Variants in SRGAP3 observed in about 807,000 individuals in gnomAD.
The protein encoded by SRGAP3 is SLIT-ROBO Rho GTPase-activating protein 3.
SRGAP3 carries 39 observed loss-of-function variants against 121.1 expected under a neutral mutation model. That is an observed-to-expected ratio of 0.32 (90% CI 0.25 to 0.42). SRGAP3 has a LOEUF of 0.42. Ranked by LOEUF, SRGAP3 falls within the 10% of genes least tolerant of loss-of-function variation. The pLI, the probability that SRGAP3 is intolerant of heterozygous loss-of-function variation, is 1.00. For missense variants in SRGAP3, 1,213 were observed against 1,470.6 expected (o/e 0.82, Z 2.86); for synonymous variants, 601 against 570.0 (o/e 1.05, Z -0.77).
chr3:9,098,243 A>G (rs1402669625), intron 3 of SRGAP3, among the ~76,000 whole-genome samples: 1 of 152,156 alleles, frequency 6.6e-6, no homozygotes, highest in Non-Finnish European at 1.5e-5. Context: ...AGAGGAGGAC[A>G]TTGTGTCTGA....
chr3:8,997,873 T>A (rs114789051), intron 18 of SRGAP3, among the ~76,000 whole-genome samples: 1 of 121,830 alleles, frequency 8.2e-6, no homozygotes, highest in East Asian at 2.1e-4. Context: ...TAAATATTCA[T>A]AGAGGTTTTT....
chr3:9,103,553 A>G (rs1948298819), intron 3 of SRGAP3, among the ~76,000 whole-genome samples: 1 of 152,228 alleles, frequency 6.6e-6, no homozygotes, highest in African/African-American at 2.4e-5. Flanking sequence ...AACCAGGATT[A>G]TGAACCCAAG....
chr3:9,167,078 G>A (rs937168548), intron 1 of SRGAP3, among the ~76,000 whole-genome samples: 5 of 152,066 alleles, frequency 3.3e-5, no homozygotes, highest in African/African-American at 9.7e-5. Context: ...ATCCTTCTGC[G>A]AACCAGCAGC....
At chr3:9,058,204 G>A in intron 7 of SRGAP3, 47 bp downstream of exon 7, 1 of 1,592,518 alleles carries the variant, frequency 6.3e-7, no homozygotes, top group Non-Finnish European at 8.6e-7. Flanking sequence ...GCACATGGGG[G>A]AACAGAGGGA....
chr3:9,042,107 A>C (rs1305886221), intron 10 of SRGAP3, among the ~76,000 whole-genome samples: 2 of 151,898 alleles, frequency 1.3e-5, no homozygotes, highest in Non-Finnish European at 2.9e-5. Flanking sequence ...CATCTCAAAA[A>C]AAAAAAAAAA....
At chr3:9,294,782 C>A (rs1229528967) in intron 3 of SRGAP3, among the ~76,000 whole-genome samples, 1 of 150,504 alleles carries the variant, frequency 6.6e-6, no homozygotes, top group Admixed American at 6.7e-5. Flanking sequence ...AACAGCTCCC[C>A]CCACCTGTGA....
chr3:9,085,223 T>C (rs970570629), intron 3 of SRGAP3, among the ~76,000 whole-genome samples: 6 of 152,212 alleles, frequency 3.9e-5, no homozygotes, highest in African/African-American at 1.4e-4. Context: ...TGACACCAAG[T>C]ATACACCTCC....
chr3:9,267,621 G>A (rs1295620806), intron 3 of SRGAP3, among the ~76,000 whole-genome samples: 2 of 152,100 alleles, frequency 1.3e-5, no homozygotes, highest in East Asian at 1.9e-4. Context: ...CAATAAATGC[G>A]ACCATTGTAT....
chr3:9,272,163 G>A (rs1400379717), intron 3 of SRGAP3, among the ~76,000 whole-genome samples: 4 of 152,208 alleles, frequency 2.6e-5, no homozygotes, highest in African/African-American at 7.2e-5. Flanking sequence ...CCATCCCTTC[G>A]TAGTAGAAAA....
chr3:9,275,551 T>A (rs1348213725), intron 3 of SRGAP3, among the ~76,000 whole-genome samples: 2 of 152,150 alleles, frequency 1.3e-5, no homozygotes, highest in African/African-American at 4.8e-5. Flanking sequence ...GTGGGAGGGA[T>A]GTGGTGGGAG....
intron 3 of SRGAP3, among the ~76,000 whole-genome samples, chr3:9,305,363 CTT>C (rs1210901472): frequency 0.012 from 1,188 of 96,712 alleles, 7 homozygotes; most frequent in African/African-American, 0.031. Flanking sequence ...GAGGTCCTCT[CTT>C]TTTTTTTTTT....
intron 3 of SRGAP3, among the ~76,000 whole-genome samples, chr3:9,258,323 G>C (rs1954179408): frequency 6.6e-6 from 1 of 152,210 alleles, no homozygotes; most frequent in Non-Finnish European, 1.5e-5. Flanking sequence ...GGAACTGCAT[G>C]AGCCAAGGGG....
chr3:9,189,456 G>A (rs749222077), intron 1 of SRGAP3, among the ~76,000 whole-genome samples: 2 of 152,154 alleles, frequency 1.3e-5, no homozygotes, highest in Non-Finnish European at 1.5e-5. Flanking sequence ...TATCTGTGGA[G>A]CCTGAAAATT....
intron 1 of SRGAP3, among the ~76,000 whole-genome samples, chr3:9,197,369 T>A (rs1951947647): frequency 6.6e-6 from 1 of 152,246 alleles, no homozygotes; most frequent in Non-Finnish European, 1.5e-5. Flanking sequence ...AACTGTGAAT[T>A]GGGAGATTGG....
In SRGAP3 at chr3:8,992,928, C is replaced by T. The variant is rs763324006; in HGVS notation, c.2536G>A (p.Gly846Ser). 6 of 1,614,192 alleles carry T rather than the reference C, an allele frequency of 3.7e-6. No individual in the cohort carries two copies. The highest frequency in any genetic ancestry group is 5.1e-6 in the Non-Finnish European group (6 of 1,180,044). ...QSPTEHISDY[G>S]FGGVMGRVRL... The stretch of plus-strand genomic sequence containing the variant: ...TACCGGCCCATCACCCCCCCAAAGC[C>T]GTAATCCGAGATGTGCTCCGTGGGG... The change falls in exon 20 of 22, where the codon GGC (glycine) becomes AGC (serine). Residue 846 changes from glycine to serine, a missense_variant. Coordinates refer to ENST00000383836, the MANE Select transcript of SRGAP3 (RefSeq NM_014850.4).
chr3:9,360,232 G>A (rs2030722722), intron 1 of SRGAP3, among the ~76,000 whole-genome samples: 1 of 152,238 alleles, frequency 6.6e-6, no homozygotes, highest in South Asian at 2.1e-4. Flanking sequence ...CCCAGTTTGT[G>A]TACAAGTTTT....
intron 1 of SRGAP3, among the ~76,000 whole-genome samples, chr3:9,227,266 C>T (rs1024326036): frequency 9.9e-5 from 15 of 152,210 alleles, no homozygotes; most frequent in Non-Finnish European, 2.2e-4. Flanking sequence ...AAAGGCCAAA[C>T]AAAACATGCT....
chr3:9,282,174 A>G (rs747641756), intron 3 of SRGAP3, among the ~76,000 whole-genome samples: 26 of 152,240 alleles, frequency 1.7e-4, no homozygotes, highest in Non-Finnish European at 3.2e-4. Context: ...ACACTTAAAT[A>G]TTATTGAAGA....
chr3:9,346,975 C>T (rs1399530585), intron 1 of SRGAP3, among the ~76,000 whole-genome samples: 1 of 151,788 alleles, frequency 6.6e-6, no homozygotes, highest in African/African-American at 2.4e-5. Context: ...AGGCTAGTCT[C>T]GAACTCCTTA....
Sources: gnomAD v4.1 joint callset for allele counts (sites outside exome capture counted in the v4.1 genomes callset) on GRCh38, gnomAD v4.1.1 for gene constraint, MANE v1.5 for transcripts, NCBI Gene and HGNC (gene_info 2026-07-23, HGNC 2026-07-21) for gene names.